ARSF: variants seen among roughly 807,000 people sequenced by gnomAD.
ARSF encodes arylsulfatase F.
A neutral mutation model predicts 35.4 loss-of-function variants in ARSF; 33 were observed. That is an observed-to-expected ratio of 0.93 (90% CI 0.71 to 1.25). The LOEUF (loss-of-function observed/expected upper bound fraction) is 1.25. ARSF is among the 50% of genes most tolerant of loss of function. The pLI is 0.00. For missense variants in ARSF, 501 were observed against 480.2 expected, an observed-to-expected ratio of 1.04 and a Z score of -0.40; for synonymous variants, 222 against 193.1, an observed-to-expected ratio of 1.15 and a Z score of -1.24.
At chrX:3,100,005 T>C (rs1361578810) in intron 7 of ARSF, among the ~76,000 whole-genome samples, 1 of 111,808 alleles carries the variant, frequency 8.9e-6, no homozygotes, top group African/African-American at 3.2e-5. Flanking sequence ...TTGAGACTAA[T>C]AAGCTTTTTC....
intron 10 of ARSF, among the ~76,000 whole-genome samples, chrX:3,110,997 C>A (rs2090441280): frequency 8.9e-6 from 1 of 112,090 alleles, no homozygotes; most frequent in Non-Finnish European, 1.9e-5. Context: ...CTCTAATGTT[C>A]TCGTTTTGTT....
chrX:3,068,748 T>G (rs1003106336), intron 2 of ARSF, among the ~76,000 whole-genome samples: 5 of 110,896 alleles, frequency 4.5e-5, no homozygotes, highest in Non-Finnish European at 9.5e-5. Context: ...TTTTAAAGTG[T>G]TGTAAAAACA....
intron 1 of ARSF, among the ~76,000 whole-genome samples, chrX:3,056,764 C>T (rs962170753): frequency 1.4e-4 from 16 of 111,408 alleles, no homozygotes; most frequent in Admixed American, 9.6e-4. Context: ...GTAGACAGGC[C>T]GACTGCTTTA....
At chrX:3,077,408 G>A (rs912386863) in intron 4 of ARSF, among the ~76,000 whole-genome samples, 1 of 111,893 alleles carries the variant, frequency 8.9e-6, no homozygotes, top group Non-Finnish European at 1.9e-5. Context: ...GGAGGCCAAG[G>A]CAGGTGGATC....
chrX:3,092,768 T>G (rs2090304347), intron 7 of ARSF, among the ~76,000 whole-genome samples: 1 of 112,415 alleles, frequency 8.9e-6, no homozygotes, highest in African/African-American at 3.2e-5. Flanking sequence ...TGAAATTATT[T>G]ATCCCAGAAG....
chrX:3,100,146 TC>T (rs922407530), intron 7 of ARSF, among the ~76,000 whole-genome samples: 7 of 112,357 alleles, frequency 6.2e-5, no homozygotes, highest in African/African-American at 2.3e-4. Context: ...AGTCTAATTC[TC>T]CCAACCTAGT....
At position 3,084,379 on chromosome X, in the gene ARSF, G is replaced by C. The variant is rs372410119; in HGVS notation, c.543G>C (p.Thr181=). 2 of 1,209,802 alleles carry C rather than the reference G, an allele frequency of 1.7e-6. No individual in the cohort carries two copies. Among genetic ancestry groups the C allele is most frequent in the African/African-American group, 3.5e-5 (2 of 57,096 alleles). The stretch of plus-strand genomic sequence containing the variant: ...GCTGGCCGGACCCCTCTCGTAACAC[G>C]GAATTAGCCTTTGAGAGTCAGCTCT... The part of the protein sequence containing the change: ...DSCWPDPSRN[T]ELAFESQLWL... The change falls in exon 6 of 11, where the codon ACG becomes ACC. Residue 181 remains threonine (T), a synonymous_variant. Transcript: ENST00000381127.
At chrX:3,060,578 C>T (rs987554342) in intron 1 of ARSF, among the ~76,000 whole-genome samples, 2 of 111,305 alleles carry the variant, frequency 1.8e-5, no homozygotes, top group African/African-American at 6.5e-5. Context: ...AAAGATTAGA[C>T]GAACAGCTAA....
chrX:3,056,543 G>A (rs1260440392), intron 1 of ARSF, among the ~76,000 whole-genome samples: 2 of 110,996 alleles, frequency 1.8e-5, no homozygotes, highest in African/African-American at 3.3e-5. Context: ...CCAAAGTGGT[G>A]AGATTCCAGG....
chrX:3,079,414 C>T (rs1320162488), intron 4 of ARSF, among the ~76,000 whole-genome samples: 3 of 102,477 alleles, frequency 2.9e-5, no homozygotes, highest in Admixed American at 1.1e-4. Context: ...GGCGCAATCT[C>T]GGCTCACTGC....
chrX:3,095,911 A>G (rs921034350), intron 7 of ARSF, among the ~76,000 whole-genome samples: 3 of 108,422 alleles, frequency 2.8e-5, no homozygotes, highest in Non-Finnish European at 3.8e-5. Flanking sequence ...TATACATGTT[A>G]TATATCATGC....
intron 3 of ARSF, 113 bp from the exon 4 acceptor site, chrX:3,076,435 C>T: frequency 1.1e-6 from 1 of 883,316 alleles, no homozygotes; most frequent in Non-Finnish European, 1.6e-6. Context: ...CTCTCTCTTT[C>T]CACCTGTGCC....
chrX:3,055,268 G>T (rs1342671924), intron 1 of ARSF, among the ~76,000 whole-genome samples: 1 of 103,549 alleles, frequency 9.7e-6, no homozygotes, highest in African/African-American at 3.6e-5. Context: ...CTTGAACCTG[G>T]GAGGCGGAGG....
intron 1 of ARSF, among the ~76,000 whole-genome samples, chrX:3,051,342 T>C (rs766293682): frequency 8.9e-6 from 1 of 112,111 alleles, no homozygotes; most frequent in Non-Finnish European, 1.9e-5. Flanking sequence ...GGCTGTGCTA[T>C]GGGCCAGTAG....
intron 1 of ARSF, chrX:3,058,583 T>C: frequency 3.1e-6 from 1 of 322,341 alleles, no homozygotes; most frequent in Non-Finnish European, 6.0e-6. Context: ...CTGGGCATGA[T>C]GGCTCACACC....
chrX:3,090,343 C>CT (rs1308789702), intron 7 of ARSF, among the ~76,000 whole-genome samples: 1 of 111,434 alleles, frequency 9.0e-6, no homozygotes, highest in Non-Finnish European at 1.9e-5. Context: ...CACACTGTTA[C>CT]TTTTTTGTGA....
At chrX:3,101,968 C>G (rs1392748282) in intron 8 of ARSF, among the ~76,000 whole-genome samples, 1 of 111,530 alleles carries the variant, frequency 9.0e-6, no homozygotes, top group Non-Finnish European at 1.9e-5. Context: ...ATTCCACAGT[C>G]TTGGATTCGG....
chrX:3,096,100 T>C (rs893811256), intron 7 of ARSF, among the ~76,000 whole-genome samples: 12 of 108,518 alleles, frequency 1.1e-4, no homozygotes, highest in Non-Finnish European at 2.1e-4. Context: ...ATTAGTCCAA[T>C]AGTATAATTA....
chrX:3,049,398 G>C (rs2089988205), intron 1 of ARSF, among the ~76,000 whole-genome samples: 1 of 111,612 alleles, frequency 9.0e-6, no homozygotes, highest in Non-Finnish European at 1.9e-5. Flanking sequence ...GAATCTGCAA[G>C]TTTGCGTAAA....
Sources: allele counts gnomAD v4.1 joint callset (sites outside exome capture counted in the v4.1 genomes callset), GRCh38; gene constraint gnomAD v4.1.1; transcripts MANE v1.5; gene names NCBI Gene and HGNC (gene_info 2026-07-23, HGNC 2026-07-21).